Variants in TIAM2 observed in about 807,000 individuals in gnomAD.
The protein encoded by TIAM2 is rho guanine nucleotide exchange factor TIAM2.
A neutral mutation model predicts 152.9 loss-of-function variants in TIAM2; 80 were observed. The ratio of observed to expected loss-of-function variants is 0.52; its 90% CI spans 0.44 to 0.63. The LOEUF (loss-of-function observed/expected upper bound fraction) is 0.63. TIAM2 is among the 30% of genes least tolerant of loss of function. The pLI, the probability that TIAM2 is intolerant of heterozygous loss-of-function variation, is 0.00. For synonymous variants in TIAM2, 804 were observed against 838.0 expected (o/e 0.96, Z 0.70); for missense variants, 1,965 against 2,120.1 (o/e 0.93, Z 1.44).
chr6:155,019,632 G>A (rs1219848162), intron 1 of TIAM2, among the ~76,000 whole-genome samples: 1 of 152,224 alleles, frequency 6.6e-6, no homozygotes, highest in Non-Finnish European at 1.5e-5. Context: ...AAGGAACACT[G>A]GACTGATAGT....
At chr6:155,183,206 C>T (rs576319003) in intron 13 of TIAM2, 31 bp from the exon 14 acceptor site, 1 of 1,602,540 alleles carries the variant, frequency 6.2e-7, no homozygotes, top group Non-Finnish European at 8.5e-7. Flanking sequence ...ATCCCTCTCT[C>T]TTTTTTCTGT....
intron 1 of TIAM2, among the ~76,000 whole-genome samples, chr6:155,072,707 G>A (rs1777866637): frequency 6.6e-6 from 1 of 152,136 alleles, no homozygotes; most frequent in Admixed American, 6.6e-5. Context: ...AGTGAAAGCC[G>A]TGAAGTCAGC....
intron 1 of TIAM2, among the ~76,000 whole-genome samples, chr6:155,063,490 T>G (rs116318890): frequency 1.3e-5 from 2 of 151,950 alleles, no homozygotes. Flanking sequence ...ATATACACAT[T>G]TGTAAAAAGT....
In TIAM2 at chr6:155,064,611, A is replaced by G. The variant is rs527724997; in HGVS notation, c.-208-25678A>G. On this transcript the variant is annotated intron_variant, in intron 1 of 26. Transcript: ENST00000682666. ...AGAGACTTGGTTTCTCAATGAGGGC[A>G]AAATGCTTTTGAGTAATTCCAGGTG... is the stretch of plus-strand genomic sequence containing the variant. 2.6e-5 allele frequency among the ~76,000 whole-genome samples: 4 copies of G among 152,326 alleles called. No individual in the cohort carries two copies. The South Asian group carries it at 8.3e-4, about 32-fold the overall frequency.
At position 154,995,927 on chromosome 6, in the gene TIAM2, C is replaced by T. The variant is rs1205905494; in HGVS notation, c.-209+435C>T. Among the ~76,000 whole-genome samples, 2 of 152,298 alleles carry T rather than the reference C, an allele frequency of 1.3e-5. No individual in the cohort carries two copies. The highest frequency in any genetic ancestry group is 3.4e-3 in the Middle Eastern group (1 of 294). On this transcript the variant is annotated intron_variant, in intron 1 of 26. Transcript: ENST00000682666. This position sits in a 1 kb window ranked among gnomAD's most constrained non-coding sequence, Gnocchi z 5.2. ...GAGCGCCCGCTGCGCCCACGCCCGCCCGGCGACCTCGGAGCCTCAGAAAGG... is the reference window on the plus strand; with the variant it reads ...GAGCGCCCGCTGCGCCCACGCCCGCTCGGCGACCTCGGAGCCTCAGAAAGG...
At position 155,137,196 on chromosome 6, in the gene TIAM2, G is replaced by C. The variant is rs1779575571; in HGVS notation, c.1214G>C (p.Gly405Ala). ...TCACAGGAGCCGAGGTCCAAGGAGG[G>C]CAGTGACTACTTTGACAGTCGCTCT... ...RKLQEPRSKE[G>A]SDYFDSRSDG... The change falls in exon 5 of 27, where the codon GGC becomes GCC. Residue 405 changes from glycine to alanine, a missense_variant. Gly to Ala is a moderately conservative substitution (Grantham distance 60). This residue lies in a region of TIAM2 where 1,025 missense variants were observed against 1,119.4 expected (regional missense o/e 0.92). Coordinates refer to ENST00000682666, the MANE Select transcript of TIAM2 (RefSeq NM_012454.4). 1.2e-6 allele frequency: 2 copies of C among 1,613,448 alleles called. No homozygotes were observed. The highest frequency in any genetic ancestry group is 4.5e-5 in the East Asian group (2 of 44,876).
chr6:155,005,194 C>T (rs1394914380), intron 1 of TIAM2: 1 of 227,244 alleles, frequency 4.4e-6, no homozygotes, highest in Non-Finnish European at 9.5e-6. Flanking sequence ...TCCCCTTTCA[C>T]CTCCACCCTG....
intron 14 of TIAM2, among the ~76,000 whole-genome samples, chr6:155,188,624 G>A (rs1007043568): frequency 6.6e-6 from 1 of 152,178 alleles, no homozygotes; most frequent in East Asian, 1.9e-4. Context: ...TGAAGGGATT[G>A]GACAGGCCAG....
At chr6:155,059,647 A>G (rs1338949933) in intron 1 of TIAM2, among the ~76,000 whole-genome samples, 2 of 152,128 alleles carry the variant, frequency 1.3e-5, no homozygotes, top group Admixed American at 6.6e-5. Context: ...ATCAGATTAA[A>G]TTAAGGTTAT....
At chr6:155,171,429 T>C (rs767088033) in intron 9 of TIAM2, among the ~76,000 whole-genome samples, 2 of 152,234 alleles carry the variant, frequency 1.3e-5, no homozygotes, top group African/African-American at 2.4e-5. Flanking sequence ...AGAAGCTTCA[T>C]TGCAGAAATT....
At chr6:155,059,323 T>TGTGTGC (rs1777522099) in intron 1 of TIAM2, among the ~76,000 whole-genome samples, 1 of 137,442 alleles carries the variant, frequency 7.3e-6, no homozygotes, top group African/African-American at 2.7e-5. Context: ...TGTGTGTGTG[T>TGTGTGC]GTGCGCGTGT....
chr6:155,155,917 G>A (rs1780097180), intron 7 of TIAM2, among the ~76,000 whole-genome samples: 1 of 152,232 alleles, frequency 6.6e-6, no homozygotes, highest in African/African-American at 2.4e-5. Flanking sequence ...CAGTGGCACT[G>A]CTAGAGAGAG....
intron 14 of TIAM2, among the ~76,000 whole-genome samples, chr6:155,198,956 C>T (rs1189258450): frequency 2.0e-5 from 3 of 152,282 alleles, no homozygotes; most frequent in Middle Eastern, 3.4e-3. Context: ...CGGAGCCTAG[C>T]TGCTGGCTCA....
At chr6:155,057,020 T>TC (rs1324461456) in intron 1 of TIAM2, among the ~76,000 whole-genome samples, 54 of 94,304 alleles carry the variant, frequency 5.7e-4, no homozygotes, top group African/African-American at 3.4e-3. Context: ...TTTCTTTCTT[T>TC]TTTTTTTTTT....
intron 1 of TIAM2, among the ~76,000 whole-genome samples, chr6:155,015,118 C>T (rs553182515): frequency 2.0e-5 from 3 of 151,902 alleles, no homozygotes; most frequent in Non-Finnish European, 2.9e-5. Context: ...GCAGAGAGTC[C>T]GCACAGGGGG....
In TIAM2 at chr6:155,256,954, G is replaced by A. The variant is rs1784088282; in HGVS notation, c.4939G>A (p.Gly1647Arg). The change falls in exon 27 of 27, where the codon GGA becomes AGA. Residue 1647 changes from glycine (G) to arginine (R), a missense_variant. Gly to Arg is a moderately radical substitution (Grantham distance 125). Transcript: ENST00000682666. ...RKANSTKRDR[G>R]TLLKAQIRHQ... ...AGCCAACAGCACCAAGAGGGACAGA[G>A]GAACTTTGCTCAAGGCGCAGATCCG... 6 of 1,614,172 alleles carry A rather than the reference G, an allele frequency of 3.7e-6. No homozygotes were observed. The highest frequency in any genetic ancestry group is 5.1e-6 in the Non-Finnish European group (6 of 1,180,038).
intron 1 of TIAM2, among the ~76,000 whole-genome samples, chr6:155,047,726 C>CGA (rs763117085): frequency 0.045 from 1,637 of 36,696 alleles, 40 homozygotes; most frequent in African/African-American, 0.076. Flanking sequence ...AGAGAGAGAG[C>CGA]GAGAGAGAGA....
At position 155,158,506 on chromosome 6, in the gene TIAM2, G is replaced by A. The variant is rs138432722; in HGVS notation, c.2029-5909G>A. The stretch of plus-strand genomic sequence containing the variant: ...CAGTCTTGTCTTTTTTATGTTTTGA[G>A]CATGGGCATTAAAAGAAACAAAAGC... On this transcript the variant is annotated intron_variant, in intron 7 of 26. Coordinates refer to ENST00000682666, the MANE Select transcript of TIAM2 (RefSeq NM_012454.4). Among the ~76,000 whole-genome samples, 162 of 151,932 alleles carry A rather than the reference G, an allele frequency of 1.1e-3. 1 individual carries two copies. In the East Asian group the frequency reaches 0.017, roughly 16 times the overall value.
chr6:155,000,456 G>A (rs201006650), intron 1 of TIAM2, among the ~76,000 whole-genome samples: 4 of 151,576 alleles, frequency 2.6e-5, no homozygotes, highest in South Asian at 2.1e-4. Context: ...ACTTGAACCC[G>A]GGAGGCAGAG....
Sources: allele counts gnomAD v4.1 joint callset (sites outside exome capture counted in the v4.1 genomes callset), GRCh38; gene constraint gnomAD v4.1.1; regional missense constraint gnomAD v4.1.1; non-coding constraint Gnocchi (gnomAD v3.1); transcripts MANE v1.5; gene names NCBI Gene and HGNC (gene_info 2026-07-23, HGNC 2026-07-21).